The following CECR2 variants were observed in gnomAD, a reference collection of about 807,000 sequenced individuals.
CECR2 encodes chromatin remodeling regulator CECR2.
CECR2 carries 30 observed loss-of-function variants against 154.5 expected under a neutral mutation model. The ratio of observed to expected loss-of-function variants is 0.19; its 90% confidence interval spans 0.15 to 0.26. The LOEUF (loss-of-function observed/expected upper bound fraction) is 0.26. Among genes scored for constraint, CECR2 ranks in the 10% least tolerant of loss-of-function variants. The pLI is 1.00. For missense variants in CECR2, 1,743 were observed against 1,829.3 expected (o/e 0.95, Z 0.86); for synonymous variants, 725 against 683.7 (o/e 1.06, Z -0.94).
chr22:17,361,322 G>A (rs1242135803), intron 1 of CECR2, among the ~76,000 whole-genome samples: 2 of 152,036 alleles, frequency 1.3e-5, no homozygotes, highest in African/African-American at 4.8e-5. Flanking sequence ...CCCCATCTCT[G>A]CTAAAAATAC....
intron 13 of CECR2, among the ~76,000 whole-genome samples, chr22:17,539,630 C>G (rs1391753143): frequency 2.6e-5 from 4 of 151,798 alleles, no homozygotes; most frequent in Non-Finnish European, 4.4e-5. Flanking sequence ...CAAACCTGCA[C>G]GTTGTGCACA....
chr22:17,423,887 G>A (rs558362003), intron 1 of CECR2, among the ~76,000 whole-genome samples: 16 of 152,216 alleles, frequency 1.1e-4, no homozygotes, highest in South Asian at 4.1e-4. Flanking sequence ...TTGTTAAGTC[G>A]GACTTCCAAA....
chr22:17,368,496 GA>G (rs2063015944), upstream of CECR2, among the ~76,000 whole-genome samples: 1 of 151,220 alleles, frequency 6.6e-6, no homozygotes, highest in African/African-American at 2.5e-5. Flanking sequence ...TTTCTGGGGT[GA>G]TTTTTTTTCT....
intron 1 of CECR2, among the ~76,000 whole-genome samples, chr22:17,383,389 G>C (rs1426937292): frequency 6.6e-6 from 1 of 152,160 alleles, no homozygotes; most frequent in Admixed American, 6.5e-5. Context: ...TTTCAAAATT[G>C]AAGTTGGTCC....
intron 8 of CECR2, among the ~76,000 whole-genome samples, chr22:17,521,461 C>T (rs2056155874): frequency 1.3e-5 from 2 of 151,328 alleles, no homozygotes; most frequent in South Asian, 4.2e-4. Context: ...AATGGTGGAG[C>T]TTGCAGTGAG....
At chr22:17,491,300 G>T (rs1601448717) in intron 2 of CECR2, among the ~76,000 whole-genome samples, 1 of 152,042 alleles carries the variant, frequency 6.6e-6, no homozygotes, top group African/African-American at 2.4e-5. Context: ...TGCACACTTA[G>T]CCTTCCCACC....
intron 1 of CECR2, among the ~76,000 whole-genome samples, chr22:17,446,375 T>C (rs539176919): frequency 6.6e-6 from 1 of 152,228 alleles, no homozygotes; most frequent in Admixed American, 6.5e-5. Flanking sequence ...CTCACTGACA[T>C]CAAGAACGAA....
chr22:17,525,010 A>G (rs1460902757), intron 9 of CECR2: 1 of 157,726 alleles, frequency 6.3e-6, no homozygotes, highest in Non-Finnish European at 1.4e-5. Flanking sequence ...GGGGTCAGGC[A>G]CAGTGACTCA....
intron 1 of CECR2, among the ~76,000 whole-genome samples, chr22:17,429,572 A>G (rs996771303): frequency 6.6e-6 from 1 of 151,878 alleles, no homozygotes; most frequent in Non-Finnish European, 1.5e-5. Context: ...AAAAGAAAAG[A>G]AAAAAGAGAT....
chr22:17,407,261 A>G (rs1225737792), intron 1 of CECR2, among the ~76,000 whole-genome samples: 1 of 152,198 alleles, frequency 6.6e-6, no homozygotes, highest in Admixed American at 6.5e-5. Flanking sequence ...TCCTAGTGAG[A>G]TATAGAGCAA....
chr22:17,371,676 GC>G (rs2063062921), intron 1 of CECR2, among the ~76,000 whole-genome samples: 1 of 152,158 alleles, frequency 6.6e-6, no homozygotes, highest in Admixed American at 6.6e-5. Context: ...CATCTTGGGT[GC>G]TGGTAAACTT....
intron 9 of CECR2, 115 bp from the exon 10 acceptor site, chr22:17,536,988 G>C: frequency 8.1e-7 from 1 of 1,241,852 alleles, no homozygotes; most frequent in Non-Finnish European, 1.1e-6. Context: ...AGCAGAAGTT[G>C]CTTCATAATC....
chr22:17,459,250 A>G (rs2054899939), intron 1 of CECR2, among the ~76,000 whole-genome samples: 1 of 152,156 alleles, frequency 6.6e-6, no homozygotes. Flanking sequence ...ATTTTAGAAA[A>G]AAGATCCAGA....
At chr22:17,478,047 G>A (rs976621824) in intron 2 of CECR2, among the ~76,000 whole-genome samples, 15 of 151,968 alleles carry the variant, frequency 9.9e-5, no homozygotes, top group African/African-American at 3.4e-4. Flanking sequence ...TCTGTCATTT[G>A]AGTATCTTCT....
At chr22:17,494,434 A>G (rs2055585294) in intron 2 of CECR2, among the ~76,000 whole-genome samples, 1 of 152,070 alleles carries the variant, frequency 6.6e-6, no homozygotes, top group Non-Finnish European at 1.5e-5. Context: ...CCGGCTCCTC[A>G]CTCTGGAAGG....
chr22:17,523,411 G>A (rs1165742566), intron 8 of CECR2, among the ~76,000 whole-genome samples: 1 of 151,368 alleles, frequency 6.6e-6, no homozygotes, highest in Admixed American at 6.6e-5. Flanking sequence ...TCTGTTGAGT[G>A]ACTGTCTTTC....
At position 17,494,248 on chromosome 22, in the gene CECR2, C is replaced by T. The variant is rs138760933; in HGVS notation, c.222-3155C>T. Among the ~76,000 whole-genome samples, 47 of 152,304 alleles carry T rather than the reference C, an allele frequency of 3.1e-4. No homozygotes were observed. In the East Asian group the frequency reaches 9.1e-3, roughly 29 times the overall value. The stretch of plus-strand genomic sequence containing the variant: ...AGTAGCTGGGATTACAGGCATATGC[C>T]ACCACAACCGGCTAATTTTGTATTT... On this transcript the variant is annotated intron_variant, in intron 2 of 18. Coordinates refer to ENST00000262608, the MANE Select transcript of CECR2 (RefSeq NM_001290047.2).
At chr22:17,543,980 G>A (rs76830504) in intron 16 of CECR2, among the ~76,000 whole-genome samples, 1,655 of 152,338 alleles carry the variant, frequency 0.011, 22 homozygotes, top group African/African-American at 0.037. Context: ...CAGCCAGCTA[G>A]TAAGTAGCAG....
chr22:17,489,184 C>G (rs1191133233), intron 2 of CECR2, among the ~76,000 whole-genome samples: 1 of 152,214 alleles, frequency 6.6e-6, no homozygotes, highest in Admixed American at 6.5e-5. Flanking sequence ...TCACCCGCCT[C>G]GGCCTCCCAA....
Sources: allele counts gnomAD v4.1 joint callset (sites outside exome capture counted in the v4.1 genomes callset), GRCh38; gene constraint gnomAD v4.1.1; transcripts MANE v1.5; gene names NCBI Gene and HGNC (gene_info 2026-07-23, HGNC 2026-07-21).